POLE: variants seen among roughly 807,000 people sequenced by gnomAD.
The protein encoded by POLE is DNA polymerase epsilon, catalytic subunit.
Under a neutral mutation model 279.2 loss-of-function variants are expected in POLE, and 188 were observed. That is an observed-to-expected ratio of 0.67 (90% confidence interval 0.60 to 0.76). The LOEUF is 0.76. POLE is among the 30% of genes least tolerant of loss of function. The pLI is 0.00. For missense variants in POLE, 2,703 were observed against 3,016.7 expected (o/e 0.90, Z 2.44); for synonymous variants, 1,214 against 1,172.5 (o/e 1.04, Z -0.72).
chr12:132,649,430 C>T lies in POLE; in HGVS notation c.3881G>A (p.Arg1294His), dbSNP rs115455318. ...GAGCACACCCTCTGCCGACTCCAGA[C>T]GCTGCCTCTTCCTGCGGGCGAGGCG... ...RQRLARRKRQ[R>H]LESAEGVLRP... Residue 1294 changes from arginine to histidine, a missense_variant, in exon 31 of 49, where the codon CGT becomes CAT. Physicochemically the swap from Arg to His is conservative, Grantham distance 29. This residue lies in a region of POLE where 1,551 missense variants were observed against 1,686.1 expected (regional missense o/e 0.92). Coordinates refer to ENST00000320574, the MANE Select transcript of POLE (RefSeq NM_006231.4). 8.1e-5 allele frequency: 131 copies of T among 1,613,032 alleles called. 1 individual carries two copies. In the African/African-American group the frequency reaches 1.4e-3, roughly 18 times the overall value.
Position 132,660,996 on chromosome 12 carries a change from G to C in POLE, c.3033C>G (p.Asp1011Glu), listed in dbSNP as rs1404218213. ...EVYGSVAKVA[D>E]YWLDVLYSKA... The stretch of plus-strand genomic sequence containing the variant: ...TGCTGTACAGCACGTCCAGCCAGTA[G>C]TCAGCCACCTTGGCTACAGAGCCAT... The change falls in exon 25 of 49, where the codon GAC (aspartate) becomes GAG (glutamate). Residue 1011 changes from aspartate (D) to glutamate (E), a missense_variant. By Grantham distance (45) the Asp-to-Glu change is conservative. Transcript: ENST00000320574. The C allele has an allele frequency of 6.2e-7, 1 of 1,613,378 alleles. No homozygotes were observed. The highest frequency in any genetic ancestry group is 1.3e-5 in the African/African-American group (1 of 75,014).
At position 132,675,997 on chromosome 12, in the gene POLE, G is replaced by A; in HGVS notation, c.1020+97C>T. 1 of 956,884 alleles carries A rather than the reference G, an allele frequency of 1.0e-6. No individual in the cohort carries two copies. Among genetic ancestry groups the A allele is most frequent in the Non-Finnish European group, 1.6e-6 (1 of 617,216 alleles). 59.3% of individuals were successfully genotyped at this position (956,884 alleles called of 1,614,324 possible). A position where few individuals can be genotyped will look rare whatever the true frequency, so the allele number is the denominator to read the frequency against. ...CCCTGAGAACAAAGCTCATGGAGCT[G>A]CAATTCTGATCTGACGGAATGCCTG... On this transcript the variant is annotated intron_variant, in intron 10 of 48. Transcript: ENST00000320574. The surrounding 1 kb of genome is among the most constrained non-coding windows in gnomAD (Gnocchi z 4.3).
chr12:132,651,967 G>A (rs939725150), intron 29 of POLE, among the ~76,000 whole-genome samples: 1 of 152,196 alleles, frequency 6.6e-6, no homozygotes, highest in Non-Finnish European at 1.5e-5. Context: ...TAGCTAACAC[G>A]TTTATGAGCC....
In POLE at chr12:132,679,401, C is replaced by T; in HGVS notation, c.578+96G>A. The stretch of plus-strand genomic sequence containing the variant: ...TCAAGTTTTCCGTATCAAACAGAGC[C>T]AGCCATTAAGGTAACTTTGTTGCTA... On this transcript the variant is annotated intron_variant, in intron 6 of 48. Coordinates refer to ENST00000320574, the MANE Select transcript of POLE (RefSeq NM_006231.4). 2.4e-6 allele frequency: 3 copies of T among 1,236,214 alleles called. No individual in the cohort carries two copies. In the South Asian group the frequency reaches 4.5e-5, roughly 18 times the overall value. 76.6% of individuals were successfully genotyped at this position (1,236,214 alleles called of 1,614,324 possible).
chr12:132,672,400 G>T, intron 15 of POLE, 78 bp from the exon 16 acceptor site: 1 of 1,269,660 alleles, frequency 7.9e-7, no homozygotes, highest in Non-Finnish European at 1.1e-6. Flanking sequence ...CGCTGTGGCT[G>T]CACGTGGCAG....
intron 25 of POLE, chr12:132,659,780 C>A (rs919106666): frequency 1.3e-5 from 5 of 394,000 alleles, no homozygotes; most frequent in Non-Finnish European, 1.9e-5. Context: ...AAAACCTCCC[C>A]TCCTGGGTTC....
At chr12:132,676,757 G>C in intron 8 of POLE, 104 bp from the exon 9 acceptor site, 1 of 727,302 alleles carries the variant, frequency 1.4e-6, no homozygotes, top group South Asian at 1.6e-5. Context: ...TGTTAAAAGA[G>C]TCAAAAGGCT....
At chr12:132,662,883 CTGA>C (rs1355646688) in intron 23 of POLE, among the ~76,000 whole-genome samples, 2 of 152,194 alleles carry the variant, frequency 1.3e-5, no homozygotes, top group Non-Finnish European at 2.9e-5. Context: ...CAAATCCACA[CTGA>C]TGTCAATAAG....
intron 6 of POLE, among the ~76,000 whole-genome samples, chr12:132,678,244 C>T (rs1188739949): frequency 3.3e-5 from 5 of 150,582 alleles, no homozygotes; most frequent in Non-Finnish European, 7.4e-5. Context: ...AAGATGTATT[C>T]ATTTTATATG....
At chr12:132,687,194 G>C (rs1286313407) in intron 1 of POLE, 60 bp downstream of exon 1, 2 of 1,166,178 alleles carry the variant, frequency 1.7e-6, no homozygotes, top group Non-Finnish European at 2.2e-6. Flanking sequence ...GCCAGCCGAG[G>C]ACGGCCCCAT....
At chr12:132,669,378 C>T (rs770219980) in intron 16 of POLE, among the ~76,000 whole-genome samples, 11 of 151,822 alleles carry the variant, frequency 7.2e-5, no homozygotes, top group Admixed American at 1.3e-4. Flanking sequence ...GTGGAAGAAT[C>T]GCTTGAGCCC....
At position 132,680,003 on chromosome 12, in the gene POLE, T is replaced by G. The variant is rs1286172788; in HGVS notation, c.374A>C (p.Gln125Pro). The G allele has an allele frequency of 6.2e-7, 1 of 1,614,104 alleles. No individual in the cohort carries two copies. Among genetic ancestry groups the G allele is most frequent in the Non-Finnish European group, 8.5e-7 (1 of 1,179,962 alleles). Residue 125 changes from glutamine (Q) to proline (P), a missense_variant, in exon 5 of 49, where the codon CAG becomes CCG. Gln to Pro is a moderately conservative substitution (Grantham distance 76). This residue lies in a region of POLE where 1,011 missense variants were observed against 1,111.7 expected (regional missense o/e 0.91). Transcript: ENST00000320574. Reference protein sequence around the residue: ...EVSSFLSKKFQGKIAKVETVP... With the variant: ...EVSSFLSKKFPGKIAKVETVP... ...AGTCTCCACTTTTGCAATTTTGCCC[T>G]GAAACTTCTTGGAGAGAAAAGATGA...
At chr12:132,656,365 CTTTTTTTTTTT>C (rs56112203) in intron 29 of POLE, among the ~76,000 whole-genome samples, 1 of 145,770 alleles carries the variant, frequency 6.9e-6, no homozygotes, top group African/African-American at 2.5e-5. Flanking sequence ...GAACCTTTTT[CTTTTTTTTTTT>C]TTGAGACGGA....
intron 45 of POLE, among the ~76,000 whole-genome samples, chr12:132,631,909 G>GGCCC (rs1565926152): frequency 6.6e-6 from 1 of 152,126 alleles, no homozygotes; most frequent in African/African-American, 2.4e-5. Flanking sequence ...GCCTCTGAAC[G>GGCCC]GCCCTCTCCC....
chr12:132,649,109 C>T (rs2138601374), intron 31 of POLE, 37 bp from the exon 32 acceptor site: 2 of 1,594,052 alleles, frequency 1.3e-6, no homozygotes, highest in Non-Finnish European at 1.7e-6. Context: ...CATCACAGGA[C>T]ACACTGGAAC....
chr12:132,658,071 A>T, intron 26 of POLE, 101 bp from the exon 27 acceptor site: 1 of 770,444 alleles, frequency 1.3e-6, no homozygotes, highest in Non-Finnish European at 2.3e-6. Context: ...GACGTGTAAC[A>T]GCTGTTCACA....
At position 132,639,983 on chromosome 12, in the gene POLE, A is replaced by T. The variant is rs1259379083; in HGVS notation, c.5379-685T>A. On this transcript the variant is annotated intron_variant, in intron 39 of 48. Transcript: ENST00000320574. This position sits in a 1 kb window ranked among gnomAD's most constrained non-coding sequence, Gnocchi z 4.7. Reference sequence around the variant, plus strand: ...AAAACAAAACAAAACAAAACAAAACAAAACAAAACAAAACATCACCATACC... The same window carrying T: ...AAAACAAAACAAAACAAAACAAAACTAAACAAAACAAAACATCACCATACC... 6.8e-6 allele frequency among the ~76,000 whole-genome samples: 1 copy of T among 147,048 alleles called. No homozygotes were observed. Among genetic ancestry groups the T allele is most frequent in the Non-Finnish European group, 1.5e-5 (1 of 67,874 alleles).
chr12:132,657,328 T>C, intron 28 of POLE, 21 bp downstream of exon 28: 1 of 1,614,070 alleles, frequency 6.2e-7, no homozygotes, highest in Non-Finnish European at 8.5e-7. Context: ...CCACAGCCCG[T>C]GCCACTGACC....
At chr12:132,653,229 G>A (rs1346812657) in intron 29 of POLE, among the ~76,000 whole-genome samples, 1 of 152,140 alleles carries the variant, frequency 6.6e-6, no homozygotes, top group African/African-American at 2.4e-5. Context: ...AAAATACATA[G>A]CCAGGTGTGG....
Sources: allele counts gnomAD v4.1 joint callset (sites outside exome capture counted in the v4.1 genomes callset), GRCh38; gene constraint gnomAD v4.1.1; regional missense constraint gnomAD v4.1.1; non-coding constraint Gnocchi (gnomAD v3.1); transcripts MANE v1.5; gene names NCBI Gene and HGNC (gene_info 2026-07-23, HGNC 2026-07-21).